Variants in MGMT observed in about 807,000 individuals in gnomAD.
The protein encoded by MGMT is O-6-methylguanine-DNA methyltransferase, also known as methylated-DNA--protein-cysteine methyltransferase.
In MGMT, 14 loss-of-function variants were observed where a neutral mutation model predicts 15.9. The observed-to-expected ratio is 0.88, with a 90% CI of 0.58 to 1.37. MGMT has a LOEUF of 1.37. Among genes scored for constraint, MGMT ranks in the 40% most tolerant of loss-of-function variants. MGMT has a pLI of 0.00. For missense variants in MGMT, 282 were observed against 268.1 expected, an observed-to-expected ratio of 1.05 and a Z score of -0.36; for synonymous variants, 130 against 118.2, an observed-to-expected ratio of 1.10 and a Z score of -0.65.
intron 3 of MGMT, among the ~76,000 whole-genome samples, chr10:129,711,672 T>C (rs1411705051): frequency 6.6e-6 from 1 of 152,196 alleles, no homozygotes; most frequent in African/African-American, 2.4e-5. Context: ...GCTATTCTGG[T>C]TTTTTTAAAG....
At chr10:129,646,150 C>T (rs77767509) in intron 2 of MGMT, among the ~76,000 whole-genome samples, 7,509 of 152,200 alleles carry the variant, frequency 0.049, 216 homozygotes, top group Middle Eastern at 0.089. Context: ...CTAAGAGCCT[C>T]CCAGTGTTCA....
intron 1 of MGMT, among the ~76,000 whole-genome samples, chr10:129,505,960 G>A (rs1435371866): frequency 2.6e-5 from 4 of 151,816 alleles, no homozygotes; most frequent in Admixed American, 6.6e-5. Flanking sequence ...TTGCTCAGAT[G>A]GCCACGAGCT....
chr10:129,649,527 G>A (rs1847433344), intron 2 of MGMT, among the ~76,000 whole-genome samples: 1 of 152,128 alleles, frequency 6.6e-6, no homozygotes, highest in Admixed American at 6.5e-5. Flanking sequence ...GCAAATATTG[G>A]CAGATAATTC....
intron 1 of MGMT, among the ~76,000 whole-genome samples, chr10:129,469,090 G>A (rs762779176): frequency 5.3e-5 from 8 of 152,066 alleles, no homozygotes; most frequent in Non-Finnish European, 1.0e-4. Context: ...CGTTGTTTGG[G>A]TTTCCTCCCC....
intron 2 of MGMT, among the ~76,000 whole-genome samples, chr10:129,682,223 C>A (rs2133121089): frequency 6.6e-6 from 1 of 152,026 alleles, no homozygotes; most frequent in South Asian, 2.1e-4. Context: ...TGTAGTGACC[C>A]CCAAATTGGA....
intron 2 of MGMT, among the ~76,000 whole-genome samples, chr10:129,596,182 C>T (rs1218952348): frequency 6.6e-6 from 1 of 151,888 alleles, no homozygotes; most frequent in Non-Finnish European, 1.5e-5. Context: ...GTATTTTCTG[C>T]ATTGGGCTAT....
intron 2 of MGMT, among the ~76,000 whole-genome samples, chr10:129,569,180 C>T (rs1223175343): frequency 1.3e-5 from 2 of 152,186 alleles, no homozygotes; most frequent in Non-Finnish European, 1.5e-5. Context: ...GCTAATGCGG[C>T]ACTCTCATGC....
At chr10:129,563,436 C>T (rs1005267972) in intron 2 of MGMT, among the ~76,000 whole-genome samples, 1 of 152,070 alleles carries the variant, frequency 6.6e-6, no homozygotes, top group Admixed American at 6.6e-5. Context: ...AGTATTGTGA[C>T]CTCAGTTACC....
In MGMT at chr10:129,767,553, G is replaced by T. The variant is rs1848953552; in HGVS notation, c.*556G>T. 6.6e-6 allele frequency: 1 copy of T among 152,484 alleles called. No homozygotes were observed. The highest frequency in any genetic ancestry group is 2.1e-4 in the South Asian group (1 of 4,840). The allele number at this position is 152,484 out of a possible 1,614,324, so 9.4% of individuals were successfully genotyped here. On this transcript the variant is annotated 3_prime_UTR_variant, in exon 5 of 5. Transcript: ENST00000651593. ...GCTTTGTTTCCTACCTGCCAAAAAG[G>T]CTAATGCAAGATGCATCCACTTATG...
intron 1 of MGMT, among the ~76,000 whole-genome samples, chr10:129,496,392 G>C (rs1292614009): frequency 6.6e-6 from 1 of 152,152 alleles, no homozygotes; most frequent in Non-Finnish European, 1.5e-5. Flanking sequence ...CTAGCAAGCA[G>C]AGAGACTACT....
intron 3 of MGMT, among the ~76,000 whole-genome samples, chr10:129,742,809 C>T (rs1418930836): frequency 6.6e-6 from 1 of 151,496 alleles, no homozygotes; most frequent in Non-Finnish European, 1.5e-5. Flanking sequence ...GGCCCATGCT[C>T]AGAGCCAGGT....
At chr10:129,693,108 G>A (rs1589940524) in intron 2 of MGMT, among the ~76,000 whole-genome samples, 1 of 152,200 alleles carries the variant, frequency 6.6e-6, no homozygotes, top group East Asian at 1.9e-4. Context: ...GATTATTCTT[G>A]TACCTGTACC....
chr10:129,620,729 G>T (rs972143368), intron 2 of MGMT, among the ~76,000 whole-genome samples: 2 of 151,732 alleles, frequency 1.3e-5, no homozygotes, highest in Non-Finnish European at 2.9e-5. Flanking sequence ...TGTGTTTCTT[G>T]GAACCAGGAT....
intron 2 of MGMT, among the ~76,000 whole-genome samples, chr10:129,602,058 C>T (rs1398146010): frequency 6.6e-6 from 1 of 151,988 alleles, no homozygotes; most frequent in Non-Finnish European, 1.5e-5. Context: ...TCAGCTTTCC[C>T]CAAGAAGGAA....
At chr10:129,508,980 A>C (rs926580486) in intron 1 of MGMT, among the ~76,000 whole-genome samples, 7 of 142,864 alleles carry the variant, frequency 4.9e-5, no homozygotes, top group Non-Finnish European at 1.1e-4. Flanking sequence ...TTTGAAAGAA[A>C]TAATAAAATG....
At chr10:129,671,359 C>G (rs914284280) in intron 2 of MGMT, among the ~76,000 whole-genome samples, 1 of 152,052 alleles carries the variant, frequency 6.6e-6, no homozygotes, top group Admixed American at 6.5e-5. Context: ...GCAAATGCTA[C>G]TAATTAGAAG....
At chr10:129,518,855 C>T (rs1349474330) in intron 1 of MGMT, among the ~76,000 whole-genome samples, 1 of 151,634 alleles carries the variant, frequency 6.6e-6, no homozygotes, top group Non-Finnish European at 1.5e-5. Context: ...TGTGGGGCTT[C>T]AACAGCCCAA....
intron 2 of MGMT, among the ~76,000 whole-genome samples, chr10:129,579,208 C>T (rs1846522981): frequency 6.6e-6 from 1 of 152,148 alleles, no homozygotes; most frequent in South Asian, 2.1e-4. Flanking sequence ...GTTATGTAAC[C>T]CATTCCAAAA....
intron 1 of MGMT, among the ~76,000 whole-genome samples, chr10:129,517,714 G>A (rs2119713556): frequency 6.6e-6 from 1 of 152,284 alleles, no homozygotes; most frequent in South Asian, 2.1e-4. Flanking sequence ...AAAGTCTGGG[G>A]CCCTGTTTGC....
Sources: allele counts gnomAD v4.1 joint callset (sites outside exome capture counted in the v4.1 genomes callset), GRCh38; gene constraint gnomAD v4.1.1; transcripts MANE v1.5; gene names NCBI Gene and HGNC (gene_info 2026-07-23, HGNC 2026-07-21).